Variants in ANKRD17 observed in about 807,000 individuals in gnomAD.
ANKRD17 encodes the protein ankyrin repeat domain-containing protein 17.
ANKRD17 carries 19 observed loss-of-function variants against 229.7 expected under a neutral mutation model. The ratio of observed to expected loss-of-function variants is 0.08; its 90% CI spans 0.06 to 0.12. ANKRD17 has a LOEUF of 0.12. Ranked by LOEUF, ANKRD17 falls within the 10% of genes least tolerant of loss-of-function variation. ANKRD17 has a pLI of 1.00. For synonymous variants in ANKRD17, 1,112 were observed against 1,146.1 expected, an observed-to-expected ratio of 0.97 and a Z score of 0.60; for missense variants, 2,176 against 3,176.8, an observed-to-expected ratio of 0.68 and a Z score of 7.57.
chr4:73,108,388 G>A (rs1724899109), intron 24 of ANKRD17, among the ~76,000 whole-genome samples: 3 of 152,166 alleles, frequency 2.0e-5, no homozygotes, highest in Non-Finnish European at 4.4e-5. Flanking sequence ...GGAATCAACT[G>A]GTGTACATTT....
At chr4:73,135,083 T>C (rs1007653225) in intron 16 of ANKRD17, 34 bp downstream of exon 16, 90 of 1,580,356 alleles carry the variant, frequency 5.7e-5, no homozygotes, top group Non-Finnish European at 7.5e-5. Context: ...ATAATTCCAA[T>C]GAAAAAACCA....
chr4:73,240,969 C>T (rs1479447341), intron 1 of ANKRD17, among the ~76,000 whole-genome samples: 1 of 151,842 alleles, frequency 6.6e-6, no homozygotes, highest in Non-Finnish European at 1.5e-5. Context: ...CCACCACACC[C>T]AGCTAATTTT....
chr4:73,160,714 T>C lies in ANKRD17; in HGVS notation c.704+478A>G, dbSNP rs954045253. Among the ~76,000 whole-genome samples, 15 of 152,288 alleles carry C rather than the reference T, an allele frequency of 9.8e-5. 1 individual carries two copies. Among genetic ancestry groups the C allele is most frequent in the Admixed American group, 7.2e-4 (11 of 15,290 alleles). On this transcript the variant is annotated intron_variant, in intron 3 of 33. Transcript: ENST00000358602. ...AGTCCCTGGACTCACATTCAAGTTA[T>C]AGGAACTAGATCTATAACTTCTTTT...
At chr4:73,096,207 G>A (rs1723281108) in intron 27 of ANKRD17, among the ~76,000 whole-genome samples, 1 of 152,114 alleles carries the variant, frequency 6.6e-6, no homozygotes, top group Non-Finnish European at 1.5e-5. Flanking sequence ...TTAACCTAAA[G>A]AGCATGATAA....
At chr4:73,106,175 C>T (rs1160664594) in intron 24 of ANKRD17, among the ~76,000 whole-genome samples, 4 of 152,092 alleles carry the variant, frequency 2.6e-5, no homozygotes, top group Middle Eastern at 3.4e-3. Context: ...ACCTGGGAGA[C>T]GGAGCTTGCA....
intron 22 of ANKRD17, among the ~76,000 whole-genome samples, chr4:73,117,598 G>C (rs996072161): frequency 3.9e-5 from 6 of 152,146 alleles, no homozygotes; most frequent in African/African-American, 1.4e-4. Context: ...AGATTATCTA[G>C]GGAAGAGGTA....
intron 2 of ANKRD17, among the ~76,000 whole-genome samples, chr4:73,165,791 C>T (rs939274740): frequency 2.6e-5 from 4 of 152,140 alleles, no homozygotes; most frequent in African/African-American, 9.7e-5. Context: ...CCACTGCTGA[C>T]TTAAAGATGG....
chr4:73,113,165 TA>T, intron 24 of ANKRD17: 1 of 1,265,178 alleles, frequency 7.9e-7, no homozygotes, highest in Non-Finnish European at 1.0e-6. Flanking sequence ...CTATGATTAC[TA>T]TTCAGTTAAG....
intron 10 of ANKRD17, 44 bp from the exon 11 acceptor site, chr4:73,144,876 G>T: frequency 7.4e-7 from 1 of 1,342,718 alleles, no homozygotes; most frequent in South Asian, 1.3e-5. Context: ...AATTGCCAGT[G>T]AACAAGTATT....
chr4:73,258,100 T>C, intron 1 of ANKRD17, among the ~76,000 whole-genome samples, 176 bp downstream of exon 1: 2 of 143,928 alleles, frequency 1.4e-5, no homozygotes, highest in Non-Finnish European at 1.5e-5. Context: ...TCAGCTACCC[T>C]CCCCCACATT....
In ANKRD17 at chr4:73,119,578, G is replaced by A. The variant is rs1726436500; in HGVS notation, c.4025+584C>T. 2.0e-5 allele frequency among the ~76,000 whole-genome samples: 3 copies of A among 152,212 alleles called. No individual in the cohort carries two copies. The South Asian group carries it at 6.2e-4, about 32-fold the overall frequency. On this transcript the variant is annotated intron_variant, in intron 21 of 33. Transcript: ENST00000358602. ...CATTCAGTGGGCATGATGTAGATGG[G>A]AAGAACCATGGTTAGTAAGAGTTAA...
chr4:73,123,032 A>G (rs1726963272), intron 18 of ANKRD17, among the ~76,000 whole-genome samples: 1 of 152,082 alleles, frequency 6.6e-6, no homozygotes, highest in Non-Finnish European at 1.5e-5. Context: ...AAAGTAACAA[A>G]GTGTTTATAG....
chr4:73,239,528 C>T (rs1460505250), intron 1 of ANKRD17, among the ~76,000 whole-genome samples: 3 of 152,042 alleles, frequency 2.0e-5, no homozygotes, highest in Admixed American at 6.6e-5. Flanking sequence ...AAGAAAGTTT[C>T]AAACAATATT....
At chr4:73,194,166 T>A (rs1737524843) in intron 1 of ANKRD17, among the ~76,000 whole-genome samples, 1 of 152,214 alleles carries the variant, frequency 6.6e-6, no homozygotes. Context: ...TTTTTTGCCA[T>A]ATATAAAATA....
chr4:73,077,810 A>G (rs537697531), intron 31 of ANKRD17, among the ~76,000 whole-genome samples: 1 of 152,354 alleles, frequency 6.6e-6, no homozygotes, highest in Admixed American at 6.5e-5. Context: ...AATATGATGA[A>G]AGGAAGAAAA....
At chr4:73,214,027 T>C (rs1740670956) in intron 1 of ANKRD17, among the ~76,000 whole-genome samples, 1 of 152,202 alleles carries the variant, frequency 6.6e-6, no homozygotes, top group Non-Finnish European at 1.5e-5. Context: ...TTTCTACTTA[T>C]TTCTATTAAT....
intron 1 of ANKRD17, among the ~76,000 whole-genome samples, chr4:73,226,447 T>C (rs1468925692): frequency 8.0e-6 from 1 of 125,756 alleles, no homozygotes; most frequent in Admixed American, 1.1e-4. Context: ...TGGGGTGGAG[T>C]GCAGTGGTGC....
At position 73,086,251 on chromosome 4, in the gene ANKRD17, C is replaced by CTT. The variant is rs1379669292; in HGVS notation, c.6962-806_6962-805insAA. Among the ~76,000 whole-genome samples, 4 of 151,918 alleles carry CTT rather than the reference C, an allele frequency of 2.6e-5. No homozygotes were observed. The East Asian group carries it at 7.7e-4, about 29-fold the overall frequency. On this transcript the variant is annotated intron_variant, in intron 29 of 33. Coordinates refer to ENST00000358602, the MANE Select transcript of ANKRD17 (RefSeq NM_032217.5). The stretch of plus-strand genomic sequence containing the variant: ...ATTTAAAAAATCCAAAACCAAAAAC[C>CTT]ATATATAAAACAGAAAGTGAAACTT...
chr4:73,242,383 T>C (rs1434236518), intron 1 of ANKRD17, among the ~76,000 whole-genome samples: 1 of 152,174 alleles, frequency 6.6e-6, no homozygotes, highest in East Asian at 1.9e-4. Context: ...CAGGAAGAAC[T>C]ATAAAATAAT....
Sources: gnomAD v4.1 joint callset for allele counts (sites outside exome capture counted in the v4.1 genomes callset) on GRCh38, gnomAD v4.1.1 for gene constraint, MANE v1.5 for transcripts, NCBI Gene and HGNC (gene_info 2026-07-23, HGNC 2026-07-21) for gene names.